Variants in STK32B observed in about 807,000 individuals in gnomAD.
The protein encoded by STK32B is serine/threonine-protein kinase 32B.
In STK32B, 43 loss-of-function variants were observed where a neutral mutation model predicts 52.6. The ratio of observed to expected loss-of-function variants is 0.82; its 90% CI spans 0.64 to 1.05. The LOEUF is 1.05. Among genes scored for constraint, STK32B ranks in the 50% least tolerant of loss-of-function variants. The pLI, the probability that STK32B is intolerant of heterozygous loss-of-function variation, is 0.00. For missense variants in STK32B, 621 were observed against 534.6 expected, an observed-to-expected ratio of 1.16 and a Z score of -1.59; for synonymous variants, 238 against 204.3, an observed-to-expected ratio of 1.17 and a Z score of -1.41.
At chr4:5,448,474 T>C (rs1270147183) in intron 7 of STK32B, among the ~76,000 whole-genome samples, 1 of 152,236 alleles carries the variant, frequency 6.6e-6, no homozygotes, top group Admixed American at 6.5e-5. Context: ...GCAATGACCT[T>C]GGCGAGCATT....
At chr4:5,445,525 C>T (rs1457288973) in intron 6 of STK32B, among the ~76,000 whole-genome samples, 1 of 152,126 alleles carries the variant, frequency 6.6e-6, no homozygotes, top group Non-Finnish European at 1.5e-5. Context: ...GGAGGTGAGG[C>T]ACTGAGATAA....
chr4:5,479,414 C>T (rs570002747), intron 11 of STK32B, among the ~76,000 whole-genome samples: 8 of 152,264 alleles, frequency 5.3e-5, no homozygotes, highest in African/African-American at 1.4e-4. Flanking sequence ...CCACCATGCC[C>T]GGCCTAGTCT....
chr4:5,333,853 G>C lies in STK32B; in HGVS notation c.434+2460G>C, dbSNP rs567800517. Among the ~76,000 whole-genome samples, 375 of 152,338 alleles carry C rather than the reference G, an allele frequency of 2.5e-3. 7 individuals carry two copies. Among genetic ancestry groups the C allele is most frequent in the African/African-American group, 8.6e-3 (357 of 41,582 alleles). On this transcript the variant is annotated intron_variant, in intron 4 of 11. Coordinates refer to ENST00000282908, the MANE Select transcript of STK32B (RefSeq NM_018401.3). ...GATGTATATCTCTCTTTTGGTACCA[G>C]TACCGTGCTGTTTTGGTTACTGTAA...
chr4:5,334,180 A>G (rs2108958992), intron 4 of STK32B, among the ~76,000 whole-genome samples: 1 of 152,100 alleles, frequency 6.6e-6, no homozygotes, highest in South Asian at 2.1e-4. Flanking sequence ...TTCTCCTTGA[A>G]GAGGTCCTTC....
intron 3 of STK32B, among the ~76,000 whole-genome samples, chr4:5,251,387 T>C (rs1725915976): frequency 6.6e-6 from 1 of 152,160 alleles, no homozygotes; most frequent in Non-Finnish European, 1.5e-5. Context: ...GAAGGTCAGA[T>C]GGTTGTAGCT....
intron 3 of STK32B, among the ~76,000 whole-genome samples, chr4:5,329,880 T>C (rs1055683850): frequency 6.6e-6 from 1 of 152,202 alleles, no homozygotes; most frequent in African/African-American, 2.4e-5. Flanking sequence ...TGGAGGGGAT[T>C]TGAGGTCCTT....
rs77198283 is a variant in STK32B at position 5,183,980 on chromosome 4, A to G, written c.260+15530A>G. 2.1e-3 allele frequency among the ~76,000 whole-genome samples: 325 copies of G among 152,284 alleles called. 6 individuals carry two copies. The East Asian group carries it at 0.052, about 24-fold the overall frequency. ...TTTGATTTTCTATCCAGACCACTCAAACTTTCTCCGTATCAGCAGTTAGGC... is the reference window on the plus strand; with the variant it reads ...TTTGATTTTCTATCCAGACCACTCAGACTTTCTCCGTATCAGCAGTTAGGC... On this transcript the variant is annotated intron_variant, in intron 3 of 11. Coordinates refer to ENST00000282908, the MANE Select transcript of STK32B (RefSeq NM_018401.3).
chr4:5,279,169 C>G (rs112613390), intron 3 of STK32B, among the ~76,000 whole-genome samples: 2,839 of 152,248 alleles, frequency 0.019, 103 homozygotes, highest in African/African-American at 0.065. Flanking sequence ...AGTCCAAAGT[C>G]TCATCTGAGA....
intron 3 of STK32B, among the ~76,000 whole-genome samples, chr4:5,193,220 G>A (rs755496128): frequency 1.2e-4 from 18 of 152,058 alleles, no homozygotes; most frequent in East Asian, 3.9e-4. Flanking sequence ...GTTGGAATCC[G>A]CTCTCAGCTT....
At chr4:5,220,555 C>G (rs894808558) in intron 3 of STK32B, among the ~76,000 whole-genome samples, 1 of 152,096 alleles carries the variant, frequency 6.6e-6, no homozygotes, top group Non-Finnish European at 1.5e-5. Flanking sequence ...CTTGCAGTAA[C>G]AAAATTATAA....
At chr4:5,465,553 C>T (rs1349684221) in intron 9 of STK32B, among the ~76,000 whole-genome samples, 1 of 152,146 alleles carries the variant, frequency 6.6e-6, no homozygotes, top group African/African-American at 2.4e-5. Context: ...AGCAGAGAAG[C>T]AGAGGGAATG....
intron 4 of STK32B, among the ~76,000 whole-genome samples, chr4:5,363,259 A>C (rs1336424335): frequency 6.6e-6 from 1 of 152,260 alleles, no homozygotes; most frequent in Non-Finnish European, 1.5e-5. Context: ...TTTTAACTTT[A>C]AAGGGTCTTG....
chr4:5,280,613 G>C (rs1728129575), intron 3 of STK32B, among the ~76,000 whole-genome samples: 2 of 152,126 alleles, frequency 1.3e-5, no homozygotes, highest in South Asian at 4.1e-4. Context: ...AGACATACCT[G>C]GCCGAGCGCA....
chr4:5,152,204 CAG>C (rs1290435232), intron 2 of STK32B, among the ~76,000 whole-genome samples: 2 of 152,214 alleles, frequency 1.3e-5, no homozygotes, highest in Non-Finnish European at 2.9e-5. Flanking sequence ...AGCAAAGAAT[CAG>C]AAACAGATAT....
At chr4:5,483,122 C>T (rs1718857645) in intron 11 of STK32B, among the ~76,000 whole-genome samples, 1 of 151,870 alleles carries the variant, frequency 6.6e-6, no homozygotes, top group Admixed American at 6.6e-5. Flanking sequence ...AGGGAGGATT[C>T]CCTCTTTTTC....
At chr4:5,036,654 G>C in the STK32B span, among the ~76,000 whole-genome samples, 3 of 147,716 alleles carry the variant, frequency 2.0e-5, no homozygotes, top group African/African-American at 2.5e-5. Flanking sequence ...CCAAGGCAAG[G>C]GTGGATTTTT....
chr4:5,028,214 G>A, the STK32B span, among the ~76,000 whole-genome samples: 2 of 152,210 alleles, frequency 1.3e-5, no homozygotes, highest in Non-Finnish European at 2.9e-5. Flanking sequence ...GCTCACTGCA[G>A]CCTCAACCTC....
chr4:5,331,437 G>T, intron 4 of STK32B, 44 bp downstream of exon 4: 3 of 1,569,960 alleles, frequency 1.9e-6, no homozygotes, highest in South Asian at 1.2e-5. Context: ...AGGGACCATG[G>T]GCTAGGGTGT....
In STK32B at chr4:5,378,271, G is replaced by A. The variant is rs79223043; in HGVS notation, c.435-19936G>A. ...ACAGGCAAGGAGGGAACTGATGAGC[G>A]GGGACAAGGATGACAGTCCATGGTA... On this transcript the variant is annotated intron_variant, in intron 4 of 11. Coordinates refer to ENST00000282908, the MANE Select transcript of STK32B (RefSeq NM_018401.3). The surrounding 1 kb of genome is among the most constrained non-coding windows in gnomAD (Gnocchi z 4.4). Among the ~76,000 whole-genome samples, 4,823 of 152,240 alleles carry A rather than the reference G, an allele frequency of 0.032. 253 individuals are homozygous for A. Among genetic ancestry groups the A allele is most frequent in the African/African-American group, 0.11 (4,405 of 41,532 alleles).
Sources: gnomAD v4.1 joint callset for allele counts (sites outside exome capture counted in the v4.1 genomes callset) on GRCh38, gnomAD v4.1.1 for gene constraint, Gnocchi (gnomAD v3.1) non-coding constraint, MANE v1.5 for transcripts, NCBI Gene and HGNC (gene_info 2026-07-23, HGNC 2026-07-21) for gene names.